Variants in MAML2 observed in about 807,000 individuals in gnomAD.
MAML2 encodes mastermind like transcriptional coactivator 2.
A neutral mutation model predicts 96.1 loss-of-function variants in MAML2; 22 were observed. The observed-to-expected ratio is 0.23, with a 90% CI of 0.16 to 0.33. The LOEUF is 0.33. Ranked by LOEUF, MAML2 falls within the 10% of genes least tolerant of loss-of-function variation. MAML2 has a pLI of 1.00. For synonymous variants in MAML2, 561 were observed against 521.3 expected, an observed-to-expected ratio of 1.08 and a Z score of -1.04; for missense variants, 1,367 against 1,392.4, an observed-to-expected ratio of 0.98 and a Z score of 0.29.
At chr11:96,069,982 C>A (rs934183045) in intron 2 of MAML2, among the ~76,000 whole-genome samples, 2 of 151,646 alleles carry the variant, frequency 1.3e-5, no homozygotes, top group African/African-American at 4.9e-5. Flanking sequence ...CAAGATCACG[C>A]CACTGTACTC....
At chr11:96,286,615 C>T (rs1863144179) in intron 1 of MAML2, among the ~76,000 whole-genome samples, 1 of 142,594 alleles carries the variant, frequency 7.0e-6, no homozygotes, top group Non-Finnish European at 1.5e-5. Flanking sequence ...TAGCTATTAT[C>T]ATTCTTTTTA....
At chr11:96,023,593 C>T (rs922173981) in intron 2 of MAML2, among the ~76,000 whole-genome samples, 3 of 152,064 alleles carry the variant, frequency 2.0e-5, no homozygotes, top group Non-Finnish European at 4.4e-5. Flanking sequence ...CATGGGATGT[C>T]CCATCTGTGG....
chr11:96,143,946 C>T (rs1354212100), intron 1 of MAML2, among the ~76,000 whole-genome samples: 1 of 152,166 alleles, frequency 6.6e-6, no homozygotes, highest in Admixed American at 6.5e-5. Flanking sequence ...ATTTCAAACA[C>T]CTCACTGCAG....
At chr11:96,153,906 C>A (rs1040180754) in intron 1 of MAML2, among the ~76,000 whole-genome samples, 1 of 137,874 alleles carries the variant, frequency 7.3e-6, no homozygotes. Context: ...AGCAAGACTC[C>A]GTCTCAATAA....
At chr11:96,049,235 T>G (rs949198329) in intron 2 of MAML2, among the ~76,000 whole-genome samples, 2 of 152,204 alleles carry the variant, frequency 1.3e-5, no homozygotes, top group Non-Finnish European at 1.5e-5. Context: ...TACTCCTCTT[T>G]GTACTTTGTG....
chr11:96,261,669 A>T (rs1485076121), intron 1 of MAML2, among the ~76,000 whole-genome samples: 2 of 152,230 alleles, frequency 1.3e-5, no homozygotes, highest in Non-Finnish European at 2.9e-5. Context: ...GGAAAGAGCA[A>T]ATATCTTGCC....
chr11:96,172,921 A>G (rs181261259), intron 1 of MAML2, among the ~76,000 whole-genome samples: 1 of 152,340 alleles, frequency 6.6e-6, no homozygotes, highest in East Asian at 1.9e-4. Context: ...TATGTAGAAC[A>G]CCACACACTG....
At chr11:96,194,306 G>A (rs916197210) in intron 1 of MAML2, among the ~76,000 whole-genome samples, 4 of 152,068 alleles carry the variant, frequency 2.6e-5, no homozygotes, top group African/African-American at 9.7e-5. Context: ...TGTCTGAACT[G>A]GCAATACTGT....
chr11:96,232,648 T>G (rs1003718698), intron 1 of MAML2, among the ~76,000 whole-genome samples: 10 of 152,148 alleles, frequency 6.6e-5, no homozygotes, highest in African/African-American at 2.2e-4. Context: ...TTTGTTTGTA[T>G]TTTTAGTAGA....
intron 1 of MAML2, among the ~76,000 whole-genome samples, chr11:96,196,879 C>CTT (rs35624218): frequency 0.012 from 1,538 of 128,928 alleles, 37 homozygotes; most frequent in African/African-American, 0.037. Context: ...CCACCCTCGG[C>CTT]TTTTTTTTTT....
At chr11:96,303,589 A>G (rs1863420579) in intron 1 of MAML2, among the ~76,000 whole-genome samples, 1 of 152,168 alleles carries the variant, frequency 6.6e-6, no homozygotes, top group Admixed American at 6.5e-5. Flanking sequence ...AAAGAGGTCT[A>G]TTTTCCTTTC....
chr11:96,201,777 A>T (rs142392199), intron 1 of MAML2, among the ~76,000 whole-genome samples: 20,838 of 151,426 alleles, frequency 0.14, 1,606 homozygotes, highest in East Asian at 0.28. Context: ...AAATTAGCCC[A>T]GCGTGGTGGC....
intron 1 of MAML2, among the ~76,000 whole-genome samples, chr11:96,294,917 G>A (rs1298107757): frequency 6.6e-6 from 1 of 152,106 alleles, no homozygotes; most frequent in East Asian, 1.9e-4. Flanking sequence ...CATGCATGTA[G>A]CCATCAAGAA....
intron 1 of MAML2, among the ~76,000 whole-genome samples, chr11:96,178,122 TGAGA>T (rs1861419896): frequency 6.6e-6 from 1 of 150,824 alleles, no homozygotes; most frequent in Non-Finnish European, 1.5e-5. Context: ...ACAGCCAGGC[TGAGA>T]CATCAACACC....
At chr11:96,009,939 C>T (rs1858241565) in intron 2 of MAML2, among the ~76,000 whole-genome samples, 1 of 152,070 alleles carries the variant, frequency 6.6e-6, no homozygotes, top group Admixed American at 6.5e-5. Flanking sequence ...ACCAATCAGG[C>T]CTAACAGGAT....
At chr11:96,162,731 A>T (rs2135890922) in intron 1 of MAML2, among the ~76,000 whole-genome samples, 1 of 150,630 alleles carries the variant, frequency 6.6e-6, no homozygotes, top group South Asian at 2.1e-4. Context: ...AAAAAAAAAA[A>T]GGAAGTTAAT....
intron 2 of MAML2, among the ~76,000 whole-genome samples, chr11:95,994,571 CA>C (rs1020223092): frequency 3.5e-4 from 53 of 151,900 alleles, no homozygotes; most frequent in African/African-American, 1.3e-3. Context: ...GAGCCTGTGA[CA>C]GGGGGAAAGA....
chr11:96,232,330 T>G (rs545926361), intron 1 of MAML2, among the ~76,000 whole-genome samples: 2 of 152,308 alleles, frequency 1.3e-5, no homozygotes, highest in Admixed American at 1.3e-4. Context: ...TGGCATAAAC[T>G]AAAAGTGCTA....
intron 1 of MAML2, among the ~76,000 whole-genome samples, chr11:96,247,022 C>G (rs1219850472): frequency 6.6e-6 from 1 of 152,010 alleles, no homozygotes; most frequent in African/African-American, 2.4e-5. Flanking sequence ...ACAAAAATTG[C>G]GTGTGATCCT....
Sources: allele counts gnomAD v4.1 joint callset (sites outside exome capture counted in the v4.1 genomes callset), GRCh38; gene constraint gnomAD v4.1.1; transcripts MANE v1.5; gene names NCBI Gene and HGNC (gene_info 2026-07-23, HGNC 2026-07-21).